The following IQCM variants were observed in gnomAD, a reference collection of about 807,000 sequenced individuals.
IQCM encodes the protein IQ domain-containing protein M.
In IQCM, 45 loss-of-function variants were observed where a neutral mutation model predicts 57.6. The observed-to-expected ratio is 0.78, with a 90% CI of 0.62 to 1.00. The LOEUF (loss-of-function observed/expected upper bound fraction) is 1.00. IQCM is among the 50% of genes least tolerant of loss of function. The pLI is 0.00. For missense variants in IQCM, 468 were observed against 511.6 expected, an observed-to-expected ratio of 0.91 and a Z score of 0.82; for synonymous variants, 148 against 158.9, an observed-to-expected ratio of 0.93 and a Z score of 0.51.
intron 7 of IQCM, among the ~76,000 whole-genome samples, chr4:149,664,799 TGG>T (rs1760558545): frequency 6.6e-6 from 1 of 152,122 alleles, no homozygotes; most frequent in South Asian, 2.1e-4. Context: ...CAGGTGGCTG[TGG>T]GTTGGTCTCT....
At chr4:149,362,328 G>A (rs1729551936) in intron 13 of IQCM, among the ~76,000 whole-genome samples, 1 of 152,040 alleles carries the variant, frequency 6.6e-6, no homozygotes. Flanking sequence ...ATTGATTTTT[G>A]AAATATGAGG....
chr4:149,464,367 G>A (rs755527213), intron 12 of IQCM, among the ~76,000 whole-genome samples: 3 of 152,154 alleles, frequency 2.0e-5, no homozygotes, highest in Non-Finnish European at 2.9e-5. Context: ...TTCCTATCCC[G>A]CAAACTAAAT....
At position 149,369,046 on chromosome 4, in the gene IQCM, A is replaced by ATATATACACACGTGTATATATATATG. The variant is rs1553956152; in HGVS notation, c.1391-16981_1391-16980insCATATATATATACACGTGTGTATATA. The stretch of plus-strand genomic sequence containing the variant: ...TATATATATACATGTGTATATATAT[A>ATATATACACACGTGTATATATATATG]TATGTATTTTTTTTTTGAGATGGAG... On this transcript the variant is annotated intron_variant, in intron 13 of 13. Coordinates refer to ENST00000636793, the MANE Select transcript of IQCM (RefSeq NM_001363507.2). Among the ~76,000 whole-genome samples the ATATATACACACGTGTATATATATATG allele has an allele frequency of 1.3e-4, 17 of 130,884 alleles. 1 individual carries two copies. The highest frequency in any genetic ancestry group is 2.1e-4 in the Non-Finnish European group (13 of 61,998). The allele number at this position is 130,884 out of a possible 152,430, so 85.9% of individuals were successfully genotyped here. A position where few individuals can be genotyped will look rare whatever the true frequency, so the allele number is the denominator to read the frequency against.
chr4:149,397,756 T>C (rs1358461405), intron 13 of IQCM, among the ~76,000 whole-genome samples: 1 of 152,042 alleles, frequency 6.6e-6, no homozygotes, highest in Non-Finnish European at 1.5e-5. Context: ...ATCCAGTTAT[T>C]AGGGGTTTTT....
At chr4:149,398,778 C>T (rs1732412968) in intron 13 of IQCM, among the ~76,000 whole-genome samples, 1 of 152,056 alleles carries the variant, frequency 6.6e-6, no homozygotes, top group South Asian at 2.1e-4. Context: ...ACACTCATGG[C>T]TCACTGCAGC....
chr4:149,576,766 T>C (rs1177221067), intron 9 of IQCM, among the ~76,000 whole-genome samples: 1 of 151,930 alleles, frequency 6.6e-6, no homozygotes, highest in Non-Finnish European at 1.5e-5. Flanking sequence ...TACCCAGTAA[T>C]GGGATTGCTA....
At chr4:149,389,655 C>G (rs112333635) in intron 13 of IQCM, among the ~76,000 whole-genome samples, 1 of 143,620 alleles carries the variant, frequency 7.0e-6, no homozygotes, top group African/African-American at 2.6e-5. Flanking sequence ...GGGAACAGAA[C>G]AATGAGAACA....
chr4:149,407,603 A>T (rs1435319688), intron 13 of IQCM, among the ~76,000 whole-genome samples: 1 of 152,106 alleles, frequency 6.6e-6, no homozygotes, highest in Non-Finnish European at 1.5e-5. Context: ...TTCACTAAGG[A>T]CAGTGGCCTC....
intron 7 of IQCM, among the ~76,000 whole-genome samples, chr4:149,675,735 C>G (rs148509980): frequency 0.014 from 2,167 of 152,122 alleles, 38 homozygotes; most frequent in Non-Finnish European, 0.02. Flanking sequence ...AGGCTGTCAA[C>G]TTGGCAAGTA....
chr4:149,666,684 A>T (rs1760755925), intron 7 of IQCM, among the ~76,000 whole-genome samples: 1 of 152,130 alleles, frequency 6.6e-6, no homozygotes, highest in Non-Finnish European at 1.5e-5. Context: ...CTGGCTTGAA[A>T]TTCTCGCTGT....
intron 3 of IQCM, among the ~76,000 whole-genome samples, chr4:149,740,474 A>G (rs1767353682): frequency 6.6e-6 from 1 of 152,172 alleles, no homozygotes; most frequent in Non-Finnish European, 1.5e-5. Context: ...GATAGAAGCC[A>G]ACATAAACCA....
At chr4:149,587,563 A>C in intron 9 of IQCM, among the ~76,000 whole-genome samples, 1 of 151,822 alleles carries the variant, frequency 6.6e-6, no homozygotes, top group East Asian at 1.9e-4. Flanking sequence ...ATTGTGGTAC[A>C]TAGTTTCTAA....
intron 8 of IQCM, among the ~76,000 whole-genome samples, chr4:149,602,124 C>A: frequency 6.9e-6 from 1 of 144,948 alleles, no homozygotes; most frequent in South Asian, 2.2e-4. Context: ...AAGGAAAAAA[C>A]AATACAGTAT....
intron 8 of IQCM, among the ~76,000 whole-genome samples, chr4:149,591,609 C>T (rs923946806): frequency 6.6e-6 from 1 of 152,018 alleles, no homozygotes; most frequent in African/African-American, 2.4e-5. Context: ...CCTCTCCTCC[C>T]ACCCCACGAC....
chr4:149,523,301 A>G (rs1245087851), intron 12 of IQCM, among the ~76,000 whole-genome samples: 1 of 152,268 alleles, frequency 6.6e-6, no homozygotes, highest in Admixed American at 6.5e-5. Context: ...AAATACATTC[A>G]GTCCATAGCA....
chr4:149,384,819 C>T (rs1731306636), intron 13 of IQCM, among the ~76,000 whole-genome samples: 1 of 151,538 alleles, frequency 6.6e-6, no homozygotes, highest in Non-Finnish European at 1.5e-5. Context: ...AATGTTTTTC[C>T]TCTCTTTTGA....
At chr4:149,470,115 A>G (rs1379153563) in intron 12 of IQCM, among the ~76,000 whole-genome samples, 1 of 152,210 alleles carries the variant, frequency 6.6e-6, no homozygotes, top group Admixed American at 6.5e-5. Flanking sequence ...TCAAATTCAC[A>G]CATAGCAATA....
intron 2 of IQCM, among the ~76,000 whole-genome samples, chr4:149,806,606 A>C (rs939153395): frequency 6.6e-6 from 1 of 152,012 alleles, no homozygotes; most frequent in Admixed American, 6.6e-5. Flanking sequence ...CTAGAAATTG[A>C]GAAATGGTAA....
At chr4:149,511,290 A>T (rs1156533875) in intron 12 of IQCM, among the ~76,000 whole-genome samples, 1 of 152,020 alleles carries the variant, frequency 6.6e-6, no homozygotes, top group Non-Finnish European at 1.5e-5. Flanking sequence ...AGGCCAAGGC[A>T]GGTGGATCAC....
Sources: gnomAD v4.1 joint callset for allele counts (sites outside exome capture counted in the v4.1 genomes callset) on GRCh38, gnomAD v4.1.1 for gene constraint, MANE v1.5 for transcripts, NCBI Gene and HGNC (gene_info 2026-07-23, HGNC 2026-07-21) for gene names.